ALPK3: variants seen among roughly 807,000 people sequenced by gnomAD.
ALPK3 encodes alpha kinase 3.
ALPK3 carries 102 observed loss-of-function variants against 140.0 expected under a neutral mutation model. The observed-to-expected ratio is 0.73, with a 90% CI of 0.62 to 0.86. The LOEUF is 0.86. Among genes scored for constraint, ALPK3 ranks in the 40% least tolerant of loss-of-function variants. The probability of loss-of-function intolerance (pLI) is 0.00; values close to 1 mark genes in which losing one functional copy is unlikely to be tolerated. For synonymous variants in ALPK3, 938 were observed against 898.5 expected (o/e 1.04, Z -0.79); for missense variants, 2,254 against 2,208.2 (o/e 1.02, Z -0.42).
intron 3 of ALPK3, among the ~76,000 whole-genome samples, chr15:84,837,422 C>T (rs1963607686): frequency 6.6e-6 from 1 of 152,218 alleles, no homozygotes; most frequent in African/African-American, 2.4e-5. Context: ...GTAGGAAAGG[C>T]AGAGCGCCTG....
At position 84,871,055 on chromosome 15, in the gene ALPK3, C is replaced by T. The variant is rs1484224431; in HGVS notation, c.*2599C>T. 1 of 152,604 alleles carries T rather than the reference C, an allele frequency of 6.6e-6. No individual in the cohort carries two copies. The highest frequency in any genetic ancestry group is 1.5e-5 in the Non-Finnish European group (1 of 68,030). 9.5% of individuals were successfully genotyped at this position (152,604 alleles called of 1,614,324 possible). A position where few individuals can be genotyped will look rare whatever the true frequency, so the allele number is the denominator to read the frequency against. Reference sequence around the variant, plus strand: ...TCCCTCTTTCAGTTTTATCACAATTCCATTTTGAAATTCTACAACCTGTAG... The same window carrying T: ...TCCCTCTTTCAGTTTTATCACAATTTCATTTTGAAATTCTACAACCTGTAG... On this transcript the variant is annotated 3_prime_UTR_variant, in exon 14 of 14. Transcript: ENST00000258888.
intron 3 of ALPK3, among the ~76,000 whole-genome samples, chr15:84,835,026 C>A (rs1171422160): frequency 6.6e-6 from 1 of 152,210 alleles, no homozygotes; most frequent in Non-Finnish European, 1.5e-5. Flanking sequence ...GAGGCTGAGG[C>A]CCCAGCCCTG....
intron 1 of ALPK3, among the ~76,000 whole-genome samples, chr15:84,819,566 C>T (rs6496439): frequency 0.84 from 128,523 of 152,206 alleles, 54,670 homozygotes; most frequent in African/African-American, 0.95. Flanking sequence ...GAGGGAGCCA[C>T]CGTACTGTCT....
chr15:84,856,630 A>G lies in ALPK3; in HGVS notation c.1892A>G (p.Gln631Arg), dbSNP rs1172414644. ...AGGGGAGATGGAACACAGACAGCCC[A>G]GAGGACACGTGCAGATAGGAAGACG... ...RTRGDGTQTA[Q>R]RTRADRKTQV... The change falls in exon 6 of 14, where the codon CAG becomes CGG. Residue 631 changes from glutamine to arginine, a missense_variant. By Grantham distance (43) the Gln-to-Arg change is conservative (BLOSUM62 1). Transcript: ENST00000258888. 1.9e-6 allele frequency: 3 copies of G among 1,614,170 alleles called. No individual in the cohort carries two copies. In the Admixed American group the frequency reaches 5.0e-5, roughly 27 times the overall value.
rs1281993846 is a variant in ALPK3 at position 84,856,742 on chromosome 15, G to A, written c.2004G>A (p.Glu668=). The change falls in exon 6 of 14, where the codon GAG becomes GAA. Residue 668 remains glutamate (E), a synonymous_variant. Coordinates refer to ENST00000258888, the MANE Select transcript of ALPK3 (RefSeq NM_020778.5). ...GCATGATGACACAGGGAAGGGCAGA[G>A]ACACAGCTAGAAACAACACAGGCAG... ...QKGMMTQGRA[E]TQLETTQAGE... 6.2e-7 allele frequency: 1 copy of A among 1,614,116 alleles called. No homozygotes were observed. Among genetic ancestry groups the A allele is most frequent in the East Asian group, 2.2e-5 (1 of 44,874 alleles).
rs777315336 is a variant in ALPK3, at chr15:84,858,312, TC to T, written c.3580del (p.Arg1194GlyfsTer78). 1.3e-6 allele frequency: 2 copies of T among 1,566,742 alleles called. No individual in the cohort carries two copies. Among genetic ancestry groups the T allele is most frequent in the East Asian group, 2.4e-5 (1 of 41,942 alleles). The part of the protein sequence containing the change: ...TPEERESPTV[S>X]PRGPRKSLVP... ...TGAAGAAAGGGAGAGCCCCACGGTTTCCCCCCGGGGGCCCAGGAAAAGCCTG... is the reference window on the plus strand; with the variant it reads ...TGAAGAAAGGGAGAGCCCCACGGTTTCCCCCGGGGGCCCAGGAAAAGCCTG... On this transcript the variant is annotated frameshift_variant, in exon 6 of 14. Coordinates refer to ENST00000258888, the MANE Select transcript of ALPK3 (RefSeq NM_020778.5). LOFTEE classifies it high-confidence loss of function.
rs1359743697 is a variant in ALPK3 at position 84,873,225 on chromosome 15, A to G, written c.*4769A>G. ...CATCTTCTGGGTCCTGCCAGAGGGC[A>G]GTGAGGGGGTTGATGGGCTGGGTGC... On this transcript the variant is annotated 3_prime_UTR_variant, in exon 14 of 14. Transcript: ENST00000258888. The G allele has an allele frequency of 6.6e-6, 1 of 152,206 alleles. No individual in the cohort carries two copies. Among genetic ancestry groups the G allele is most frequent in the East Asian group, 1.9e-4 (1 of 5,192 alleles). 9.4% of individuals were successfully genotyped at this position (152,206 alleles called of 1,614,324 possible).
In ALPK3 at chr15:84,817,422, T is replaced by C; in HGVS notation, c.-31T>C. On this transcript the variant is annotated 5_prime_UTR_variant, in exon 1 of 14. Coordinates refer to ENST00000258888, the MANE Select transcript of ALPK3 (RefSeq NM_020778.5). ...GGAGGACAGGCGAGGCAGCGGCGAG[T>C]GCGGGGCCGGCGGTCGGGGAGGGCG... is the stretch of plus-strand genomic sequence containing the variant. 1 of 1,247,242 alleles carries C rather than the reference T, an allele frequency of 8.0e-7. No individual in the cohort carries two copies. Among genetic ancestry groups the C allele is most frequent in the Non-Finnish European group, 1.0e-6 (1 of 1,002,200 alleles). 77.3% of individuals were successfully genotyped at this position (1,247,242 alleles called of 1,614,324 possible).
At chr15:84,855,448 A>T (rs1458029819) in intron 5 of ALPK3, among the ~76,000 whole-genome samples, 2 of 152,136 alleles carry the variant, frequency 1.3e-5, no homozygotes, top group Non-Finnish European at 2.9e-5. Flanking sequence ...CAGTTTCACT[A>T]ACAAAGGAGT....
At chr15:84,836,485 T>C (rs1333245657) in intron 3 of ALPK3, among the ~76,000 whole-genome samples, 1 of 152,146 alleles carries the variant, frequency 6.6e-6, no homozygotes, top group East Asian at 1.9e-4. Context: ...GATCAGATTC[T>C]AGATATATTC....
At position 84,840,979 on chromosome 15, in the gene ALPK3, C is replaced by T. The variant is rs528578981; in HGVS notation, c.1653+47C>T. 5 of 1,504,980 alleles carry T rather than the reference C, an allele frequency of 3.3e-6. No homozygotes were observed. The South Asian group carries it at 6.7e-5, about 20-fold the overall frequency. The allele number at this position is 1,504,980 out of a possible 1,614,324, so 93.2% of individuals were successfully genotyped here. ...CTGGAGGCCGCTCTGGGAAGCTGAC[C>T]TCATGGAAACTCTTGCTGCAACTGC... On this transcript the variant is annotated intron_variant, in intron 5 of 13. Coordinates refer to ENST00000258888, the MANE Select transcript of ALPK3 (RefSeq NM_020778.5).
At chr15:84,818,013 G>C (rs1013753819) in intron 1 of ALPK3, among the ~76,000 whole-genome samples, 8 of 152,186 alleles carry the variant, frequency 5.3e-5, no homozygotes, top group Non-Finnish European at 1.2e-4. Flanking sequence ...AGAGGGTGCT[G>C]GGGGGCTGCC....
chr15:84,849,327 A>G (rs991211348), intron 5 of ALPK3, among the ~76,000 whole-genome samples: 3 of 152,238 alleles, frequency 2.0e-5, no homozygotes, highest in African/African-American at 7.2e-5. Context: ...TGGAGACTTT[A>G]ACACTCCTCT....
At position 84,840,297 on chromosome 15, in the gene ALPK3, C is replaced by A. The variant is rs754068211; in HGVS notation, c.1018C>A (p.Arg340Ser). The A allele has an allele frequency of 1.2e-6, 2 of 1,614,022 alleles. No homozygotes were observed. The highest frequency in any genetic ancestry group is 2.7e-5 in the African/African-American group (2 of 75,044). The change falls in exon 5 of 14, where the codon CGT (arginine) becomes AGT (serine). Residue 340 changes from arginine to serine, a missense_variant. Physicochemically the swap from Arg to Ser is moderately radical, Grantham distance 110. Around this residue, in one of 3 missense-constraint regions of ALPK3, gnomAD observed 2,088 missense variants for 2,022.9 expected, o/e 1.03. Transcript: ENST00000258888. Reference sequence around the variant, plus strand: ...GTTAGAGAAGGCAGCCCAAAGCCGCCGTTCTTCAGAAAACTGCATCCCCAG... The same window carrying A: ...GTTAGAGAAGGCAGCCCAAAGCCGCAGTTCTTCAGAAAACTGCATCCCCAG... ...PELEKAAQSR[R>S]SSENCIPSSD...
Position 84,857,149 on chromosome 15 carries a change from C to T in ALPK3, c.2411C>T (p.Pro804Leu), listed in dbSNP as rs762398286. Residue 804 changes from proline (P) to leucine (L), a missense_variant, in exon 6 of 14, where the codon CCG becomes CTG. Physicochemically the swap from Pro to Leu is moderately conservative, Grantham distance 98 (BLOSUM62 -3). Coordinates refer to ENST00000258888, the MANE Select transcript of ALPK3 (RefSeq NM_020778.5). ...LSGNLMLPAQ[P>L]PHEGSVEQVG... is the part of the protein sequence containing the mutation. Reference sequence around the variant, plus strand: ...GGGAACCTCATGCTCCCAGCACAGCCGCCCCATGAGGGGAGTGTGGAGCAG... The same window carrying T: ...GGGAACCTCATGCTCCCAGCACAGCTGCCCCATGAGGGGAGTGTGGAGCAG... The T allele has an allele frequency of 1.7e-5, 28 of 1,613,990 alleles. No homozygotes were observed. In the Admixed American group the frequency reaches 3.2e-4, roughly 18 times the overall value.
intron 6 of ALPK3, 137 bp from the exon 7 acceptor site, chr15:84,859,106 G>T (rs1034235865): frequency 8.4e-7 from 1 of 1,196,348 alleles, no homozygotes; most frequent in Non-Finnish European, 1.2e-6. Context: ...GAGGCACCGG[G>T]GGGCTGTGAG....
intron 1 of ALPK3, among the ~76,000 whole-genome samples, chr15:84,823,031 CAG>C (rs1385695232): frequency 6.6e-6 from 1 of 152,254 alleles, no homozygotes; most frequent in Admixed American, 6.5e-5. Context: ...CTCTTGGGGG[CAG>C]TGACCCAAAT....
chr15:84,864,751 C>A (rs946271332), intron 12 of ALPK3, 86 bp downstream of exon 12: 4 of 1,352,004 alleles, frequency 3.0e-6, no homozygotes, highest in African/African-American at 1.4e-5. Context: ...CTTGGCTGAT[C>A]GTTTACAAAG....
Position 84,859,888 on chromosome 15 carries a change from T to A in ALPK3, c.4078T>A (p.Cys1360Ser). The A allele has an allele frequency of 6.2e-7, 1 of 1,614,068 alleles. No homozygotes were observed. Among genetic ancestry groups the A allele is most frequent in the Non-Finnish European group, 8.5e-7 (1 of 1,180,018 alleles). ...GCACGGCTCGGCCTCCACCGACTTC[T>A]GCCTCAGCCCTGAGGGTGAGTGTGC... is the stretch of plus-strand genomic sequence containing the variant. Reference protein sequence around the residue: ...NEHGSASTDFCLSPEVLSGFI... With the variant: ...NEHGSASTDFSLSPEVLSGFI... The change falls in exon 8 of 14, where the codon TGC (cysteine) becomes AGC (serine). Residue 1360 changes from cysteine (C) to serine (S), a missense_variant. This residue lies in a region of ALPK3 where 2,088 missense variants were observed against 2,022.9 expected (regional missense o/e 1.03). Coordinates refer to ENST00000258888, the MANE Select transcript of ALPK3 (RefSeq NM_020778.5).
Sources: allele counts gnomAD v4.1 joint callset (sites outside exome capture counted in the v4.1 genomes callset), GRCh38; gene constraint gnomAD v4.1.1; regional missense constraint gnomAD v4.1.1; transcripts MANE v1.5; gene names NCBI Gene and HGNC (gene_info 2026-07-23, HGNC 2026-07-21).